TENT4A: variants seen among roughly 807,000 people sequenced by gnomAD.
The protein encoded by TENT4A is DNA polymerase kappa.
A neutral mutation model predicts 72.8 loss-of-function variants in TENT4A; 7 were observed. The ratio of observed to expected loss-of-function variants is 0.10; its 90% CI spans 0.05 to 0.18. TENT4A has a LOEUF of 0.18. Ranked by LOEUF, TENT4A falls within the 10% of genes least tolerant of loss-of-function variation. The probability of loss-of-function intolerance (pLI) is 1.00; values close to 1 mark genes in which losing one functional copy is unlikely to be tolerated. For missense variants in TENT4A, 831 were observed against 1,017.7 expected (o/e 0.82, Z 2.50); for synonymous variants, 456 against 434.3 (o/e 1.05, Z -0.62).
intron 6 of TENT4A, chr5:6,745,901 T>C (rs1371867789): frequency 1.8e-6 from 1 of 568,324 alleles, no homozygotes; most frequent in South Asian, 2.3e-5. Flanking sequence ...GACTAAGTTA[T>C]GCAGAATATA....
At chr5:6,720,228 TGTA>T (rs932245826) in intron 1 of TENT4A, among the ~76,000 whole-genome samples, 3 of 152,184 alleles carry the variant, frequency 2.0e-5, no homozygotes, top group Non-Finnish European at 4.4e-5. Context: ...CTGAAGGTCA[TGTA>T]GTAGTACAAC....
At chr5:6,720,675 A>AAAAT (rs141500932) in intron 1 of TENT4A, among the ~76,000 whole-genome samples, 19,721 of 139,988 alleles carry the variant, frequency 0.14, 1,452 homozygotes, top group Middle Eastern at 0.2. Context: ...ACTCTGTCTC[A>AAAAT]AAATAAATAA....
Position 6,750,450 on chromosome 5 carries a change from C to T in TENT4A, c.1807C>T (p.Leu603=). ...LTLSLSSPQL[L]SSGSSASSVS... ...TTTGTCGCTGTCCAGCCCCCAGCTCCTGTCTTCAGGCTCCTCGGCCTCTTC... is the reference window on the plus strand; with the variant it reads ...TTTGTCGCTGTCCAGCCCCCAGCTCTTGTCTTCAGGCTCCTCGGCCTCTTC... The change falls in exon 10 of 13, where the codon CTG becomes TTG. Residue 603 remains leucine, a synonymous_variant. Transcript: ENST00000230859. The T allele has an allele frequency of 1.9e-6, 3 of 1,611,294 alleles. No individual in the cohort carries two copies. In the South Asian group the frequency reaches 3.3e-5, roughly 18 times the overall value.
intron 1 of TENT4A, among the ~76,000 whole-genome samples, chr5:6,718,516 G>A (rs957445700): frequency 3.3e-5 from 5 of 152,216 alleles, no homozygotes; most frequent in African/African-American, 4.8e-5. Context: ...AAAGGGTGGC[G>A]GTGGCACGTG....
rs1741860004 is a variant in TENT4A, at chr5:6,742,566, G to A, written c.1085G>A (p.Arg362Gln). 3 of 1,612,544 alleles carry A rather than the reference G, an allele frequency of 1.9e-6. No individual in the cohort carries two copies. The highest frequency in any genetic ancestry group is 1.1e-5 in the South Asian group (1 of 91,048). The change falls in exon 5 of 13, where the codon CGG (arginine) becomes CAG (glutamine). Residue 362 changes from arginine to glutamine, a missense_variant. By Grantham distance (43) the Arg-to-Gln change is conservative. Around this residue, in one of 3 missense-constraint regions of TENT4A, gnomAD observed 197 missense variants for 399.6 expected, o/e 0.49. Coordinates refer to ENST00000230859, the MANE Select transcript of TENT4A (RefSeq NM_006999.6). ...AGCTTTAACATGGAGACGGGCGTCC[G>A]GGCAGCGGAGTTCATCAAGAATTAC... The part of the protein sequence containing the change: ...DISFNMETGV[R>Q]AAEFIKNYMK...
At chr5:6,723,884 G>T (rs1279938582) in intron 1 of TENT4A, among the ~76,000 whole-genome samples, 3 of 152,198 alleles carry the variant, frequency 2.0e-5, no homozygotes, top group African/African-American at 7.2e-5. Flanking sequence ...AGGCTGCAGT[G>T]TGGAAGCGGG....
rs368724278 is a variant in TENT4A at position 6,754,994 on chromosome 5, C to A, written c.*49C>A. The A allele has an allele frequency of 6.8e-7, 1 of 1,469,650 alleles. No individual in the cohort carries two copies. The highest frequency in any genetic ancestry group is 9.1e-7 in the Non-Finnish European group (1 of 1,100,550). 91.0% of individuals were successfully genotyped at this position (1,469,650 alleles called of 1,614,324 possible). Reference sequence around the variant, plus strand: ...CCCCACCCCTCTGCAGACTGCCCCGCGGCCTCGGCCACCGGCAGGGGAACC... The same window carrying A: ...CCCCACCCCTCTGCAGACTGCCCCGAGGCCTCGGCCACCGGCAGGGGAACC... On this transcript the variant is annotated 3_prime_UTR_variant, in exon 13 of 13. Transcript: ENST00000230859.
At position 6,713,617 on chromosome 5, in the gene TENT4A, C is replaced by G. The variant is rs1421024201; in HGVS notation, c.-367C>G. 1 of 147,164 alleles carries G rather than the reference C, an allele frequency of 6.8e-6. No individual in the cohort carries two copies. Among genetic ancestry groups the G allele is most frequent in the African/African-American group, 2.5e-5 (1 of 40,708 alleles). The allele number at this position is 147,164 out of a possible 1,614,324, so 9.1% of individuals were successfully genotyped here. ...CTCGGCCCCGCCGCCCGCCCTTCTC[C>G]GATGGCCTCTCCCCGCGGCCCGAGT... On this transcript the variant is annotated 5_prime_UTR_variant, in exon 1 of 13. Coordinates refer to ENST00000230859, the MANE Select transcript of TENT4A (RefSeq NM_006999.6).
intron 1 of TENT4A, among the ~76,000 whole-genome samples, chr5:6,729,133 C>T (rs1741081137): frequency 1.3e-5 from 2 of 152,204 alleles, no homozygotes; most frequent in Admixed American, 6.5e-5. Flanking sequence ...TGTTGGGTTC[C>T]TTCCTGAGTG....
chr5:6,739,395 G>A (rs759232486), intron 3 of TENT4A, among the ~76,000 whole-genome samples: 22 of 152,220 alleles, frequency 1.4e-4, no homozygotes, highest in Non-Finnish European at 2.5e-4. Context: ...CGTAGGCAGT[G>A]CCGGAGTAGG....
rs1742714711 is a variant in TENT4A at position 6,756,591 on chromosome 5, G to T, written c.*1646G>T. ...TTGGGAGCTGTCAGCTGCGACTGCAGGTTCTCTAGGAGGCATTCCAGAATA... is the reference window on the plus strand; with the variant it reads ...TTGGGAGCTGTCAGCTGCGACTGCATGTTCTCTAGGAGGCATTCCAGAATA... On this transcript the variant is annotated 3_prime_UTR_variant, in exon 13 of 13. Transcript: ENST00000230859. 1 of 152,410 alleles carries T rather than the reference G, an allele frequency of 6.6e-6. No individual in the cohort carries two copies. Among genetic ancestry groups the T allele is most frequent in the Non-Finnish European group, 1.5e-5 (1 of 68,030 alleles). The allele number at this position is 152,410 out of a possible 1,614,324, so 9.4% of individuals were successfully genotyped here. A position where few individuals can be genotyped will look rare whatever the true frequency, so the allele number is the denominator to read the frequency against.
At position 6,749,594 on chromosome 5, in the gene TENT4A, A is replaced by G. The variant is rs780038393; in HGVS notation, c.1624A>G (p.Ile542Val). 1 of 1,613,944 alleles carries G rather than the reference A, an allele frequency of 6.2e-7. No individual in the cohort carries two copies. The highest frequency in any genetic ancestry group is 8.5e-7 in the Non-Finnish European group (1 of 1,179,844). ...GRIIKVTQEV[I>V]DYRRWIKEKW... ...AATCATCAAAGTAACTCAGGAGGTG[A>G]TTGACTACCGGAGGTGGATCAAAGA... The change falls in exon 9 of 13, where the codon ATT (isoleucine) becomes GTT (valine). Residue 542 changes from isoleucine to valine, a missense_variant. Physicochemically the swap from Ile to Val is conservative, Grantham distance 29 (BLOSUM62 3). This residue lies in a region of TENT4A where 197 missense variants were observed against 399.6 expected (regional missense o/e 0.49). Coordinates refer to ENST00000230859, the MANE Select transcript of TENT4A (RefSeq NM_006999.6).
In TENT4A at chr5:6,730,185, AC is replaced by A. The variant is rs34407051; in HGVS notation, c.717-7319del. Among the ~76,000 whole-genome samples the A allele has an allele frequency of 3.0e-3, 451 of 151,148 alleles. 5 individuals carry two copies. The highest frequency in any genetic ancestry group is 0.01 in the African/African-American group (431 of 41,100). On this transcript the variant is annotated intron_variant, in intron 1 of 12. Coordinates refer to ENST00000230859, the MANE Select transcript of TENT4A (RefSeq NM_006999.6). ...TGCTTTACTAGGGTGAAAGTGTTGCACCCCCCAGCACCCACAAAGGCACCTC... is the reference window on the plus strand; with the variant it reads ...TGCTTTACTAGGGTGAAAGTGTTGCACCCCCAGCACCCACAAAGGCACCTC...
At chr5:6,744,511 G>A (rs1445270549) in intron 6 of TENT4A, among the ~76,000 whole-genome samples, 1 of 152,208 alleles carries the variant, frequency 6.6e-6, no homozygotes, top group African/African-American at 2.4e-5. Context: ...CCGCACGGCT[G>A]TATTTCTCCA....
At chr5:6,740,389 A>G (rs1268382312) in intron 4 of TENT4A, among the ~76,000 whole-genome samples, 1 of 152,208 alleles carries the variant, frequency 6.6e-6, no homozygotes, top group Admixed American at 6.5e-5. Context: ...ATGTCAGTTC[A>G]AGATTATAAG....
chr5:6,751,828 A>G (rs535338773), intron 11 of TENT4A, among the ~76,000 whole-genome samples: 45 of 152,340 alleles, frequency 3.0e-4, no homozygotes, highest in African/African-American at 1.0e-3. Flanking sequence ...GTGGGGTATA[A>G]TTTGAGCATA....
At chr5:6,732,782 A>G (rs950872983) in intron 1 of TENT4A, among the ~76,000 whole-genome samples, 2 of 152,206 alleles carry the variant, frequency 1.3e-5, no homozygotes, top group African/African-American at 4.8e-5. Context: ...TAAGATAACT[A>G]GGAAATGAAT....
chr5:6,716,829 T>C (rs1249908829), intron 1 of TENT4A, among the ~76,000 whole-genome samples: 1 of 152,220 alleles, frequency 6.6e-6, no homozygotes, highest in Non-Finnish European at 1.5e-5. Context: ...GCAGTCATGC[T>C]CTTGGAACTT....
At chr5:6,723,021 G>A (rs904705929) in intron 1 of TENT4A, among the ~76,000 whole-genome samples, 2 of 150,888 alleles carry the variant, frequency 1.3e-5, no homozygotes, top group Non-Finnish European at 2.9e-5. Context: ...TATTTAGACA[G>A]CTCTGAACTG....
Sources: gnomAD v4.1 joint callset for allele counts (sites outside exome capture counted in the v4.1 genomes callset) on GRCh38, gnomAD v4.1.1 for gene constraint, gnomAD v4.1.1 regional missense constraint, MANE v1.5 for transcripts, NCBI Gene and HGNC (gene_info 2026-07-23, HGNC 2026-07-21) for gene names.